The following DNM3 variants were observed in gnomAD, a reference collection of about 807,000 sequenced individuals.
The protein encoded by DNM3 is dynamin-3.
A neutral mutation model predicts 101.6 loss-of-function variants in DNM3; 47 were observed. That is an observed-to-expected ratio of 0.46 (90% CI 0.37 to 0.59). The LOEUF (loss-of-function observed/expected upper bound fraction) is 0.59, where lower values mean the gene tolerates loss of function less well. Among genes scored for constraint, DNM3 ranks in the 20% least tolerant of loss-of-function variants. The pLI is 0.00. For missense variants in DNM3, 849 were observed against 1,085.7 expected, an observed-to-expected ratio of 0.78 and a Z score of 3.06; for synonymous variants, 385 against 387.9, an observed-to-expected ratio of 0.99 and a Z score of 0.09.
chr1:172,196,879 T>A (rs1472556092), intron 14 of DNM3, among the ~76,000 whole-genome samples: 1 of 152,178 alleles, frequency 6.6e-6, no homozygotes, highest in Non-Finnish European at 1.5e-5. Flanking sequence ...CTGTTGATAT[T>A]TTCTTTTGCT....
At chr1:172,208,991 A>G (rs1572958728) in intron 14 of DNM3, among the ~76,000 whole-genome samples, 2 of 152,070 alleles carry the variant, frequency 1.3e-5, no homozygotes, top group East Asian at 1.9e-4. Flanking sequence ...AGGTTGGGAA[A>G]GCTCTGTCAT....
Position 172,220,416 on chromosome 1 carries a change from A to C in DNM3, c.1660-33157A>C, listed in dbSNP as rs189789477. ...AAGAGTTAATATTAAAAATATGGAG[A>C]ATGGGGGAAAACTCAAAAAAGAGAG... On this transcript the variant is annotated intron_variant, in intron 14 of 20. Coordinates refer to ENST00000627582, the MANE Select transcript of DNM3 (RefSeq NM_015569.5). Among the ~76,000 whole-genome samples, 676 of 152,224 alleles carry C rather than the reference A, an allele frequency of 4.4e-3. 8 individuals carry two copies. Among genetic ancestry groups the C allele is most frequent in the Admixed American group, 0.019 (285 of 15,270 alleles).
At position 172,387,600 on chromosome 1, in the gene DNM3, A is replaced by G. The variant is rs528374290; in HGVS notation, c.2285+241A>G. 5.9e-5 allele frequency among the ~76,000 whole-genome samples: 9 copies of G among 151,674 alleles called. No individual in the cohort carries two copies. In the East Asian group the frequency reaches 1.8e-3, roughly 30 times the overall value. On this transcript the variant is annotated intron_variant, in intron 19 of 20. Transcript: ENST00000627582. ...TGTGAACCCGGGAGGCAGAGCTTGC[A>G]GTGAGCCGAGATCGTGCACTGCACT... is the stretch of plus-strand genomic sequence containing the variant.
intron 1 of DNM3, among the ~76,000 whole-genome samples, chr1:171,907,672 C>G (rs939098499): frequency 1.3e-5 from 2 of 152,146 alleles, no homozygotes; most frequent in Non-Finnish European, 2.9e-5. Context: ...TCCTCTCTAG[C>G]ATGCCAGGCA....
chr1:171,957,696 A>G (rs796585472), intron 2 of DNM3, among the ~76,000 whole-genome samples: 1 of 152,236 alleles, frequency 6.6e-6, no homozygotes, highest in South Asian at 2.1e-4. Context: ...GGACAGGGAC[A>G]AAATGCTGCC....
intron 10 of DNM3, among the ~76,000 whole-genome samples, chr1:172,058,562 C>T (rs2050854226): frequency 6.6e-6 from 1 of 152,164 alleles, no homozygotes; most frequent in African/African-American, 2.4e-5. Context: ...CCCTCAACTA[C>T]ATGGAAACTG....
rs1489730298 is a variant in DNM3 at position 172,071,319 on chromosome 1, A to G, written c.1422+2414A>G. ...CATCTCCCTACTAAGTCACAGTCTC[A>G]GGTGGTGTGGTCCAACAGTTATCAA... On this transcript the variant is annotated intron_variant, in intron 11 of 20. Coordinates refer to ENST00000627582, the MANE Select transcript of DNM3 (RefSeq NM_015569.5). Among the ~76,000 whole-genome samples the G allele has an allele frequency of 2.0e-5, 3 of 151,906 alleles. No individual in the cohort carries two copies. The East Asian group carries it at 5.8e-4, about 30-fold the overall frequency.
chr1:172,151,704 G>T (rs2058134613), intron 14 of DNM3, among the ~76,000 whole-genome samples: 1 of 152,116 alleles, frequency 6.6e-6, no homozygotes. Flanking sequence ...GGTCTCAGGT[G>T]CTTCCTGGCC....
At chr1:172,196,051 C>G (rs533967706) in intron 14 of DNM3, among the ~76,000 whole-genome samples, 11 of 151,822 alleles carry the variant, frequency 7.2e-5, no homozygotes, top group Middle Eastern at 6.8e-3. Flanking sequence ...GCTCATCTCC[C>G]TCTTCCCACC....
intron 15 of DNM3, among the ~76,000 whole-genome samples, chr1:172,277,731 A>G (rs1016887855): frequency 1.3e-5 from 2 of 152,114 alleles, no homozygotes; most frequent in African/African-American, 2.4e-5. Flanking sequence ...TAGCGAAAGC[A>G]TTAGGATTCT....
At chr1:172,193,187 G>A (rs868431252) in intron 14 of DNM3, among the ~76,000 whole-genome samples, 19 of 152,134 alleles carry the variant, frequency 1.2e-4, no homozygotes, top group African/African-American at 4.3e-4. Flanking sequence ...TTTGAGAACT[G>A]TCTGTTCATG....
At position 172,409,521 on chromosome 1, in the gene DNM3, A is replaced by T; in HGVS notation, c.*1680A>T. The T allele has an allele frequency of 1.0e-6, 1 of 984,504 alleles. No individual in the cohort carries two copies. The highest frequency in any genetic ancestry group is 1.2e-6 in the Non-Finnish European group (1 of 829,110). 61.0% of individuals were successfully genotyped at this position (984,504 alleles called of 1,614,324 possible). On this transcript the variant is annotated 3_prime_UTR_variant, in exon 21 of 21. Transcript: ENST00000627582. ...TACATAAAGGTCATTTCAACTTTTAAGGTTACCAGTGATTGTATAAAAACA... is the reference window on the plus strand; with the variant it reads ...TACATAAAGGTCATTTCAACTTTTATGGTTACCAGTGATTGTATAAAAACA...
intron 14 of DNM3, among the ~76,000 whole-genome samples, chr1:172,136,027 C>T (rs1049896946): frequency 2.6e-5 from 4 of 151,920 alleles, no homozygotes; most frequent in Non-Finnish European, 5.9e-5. Flanking sequence ...TGAGCTACTC[C>T]TAGGCAAGCA....
chr1:172,374,600 A>G (rs1245705495), intron 17 of DNM3, among the ~76,000 whole-genome samples: 2 of 152,082 alleles, frequency 1.3e-5, no homozygotes, highest in East Asian at 3.9e-4. Context: ...ATTTACATTG[A>G]ACTTTGAAAG....
chr1:172,206,444 A>G (rs1020634415), intron 14 of DNM3, among the ~76,000 whole-genome samples: 1 of 152,154 alleles, frequency 6.6e-6, no homozygotes, highest in Non-Finnish European at 1.5e-5. Flanking sequence ...CACAGATATT[A>G]AAAAGTCACA....
At position 172,408,023 on chromosome 1, in the gene DNM3, A is replaced by C. The variant is rs553710329; in HGVS notation, c.*182A>C. ...TGGTATGTCAAACCTTTGGGGTTTGACTCAGAAACTGCTAACCTTTTAGAG... is the reference window on the plus strand; with the variant it reads ...TGGTATGTCAAACCTTTGGGGTTTGCCTCAGAAACTGCTAACCTTTTAGAG... On this transcript the variant is annotated 3_prime_UTR_variant, in exon 21 of 21. Transcript: ENST00000627582. 7 of 1,441,106 alleles carry C rather than the reference A, an allele frequency of 4.9e-6. No individual in the cohort carries two copies. In the South Asian group the frequency reaches 1.0e-4, roughly 21 times the overall value. The allele number at this position is 1,441,106 out of a possible 1,614,324, so 89.3% of individuals were successfully genotyped here.
At chr1:172,159,890 T>A (rs1295338200) in intron 14 of DNM3, among the ~76,000 whole-genome samples, 1 of 152,004 alleles carries the variant, frequency 6.6e-6, no homozygotes, top group Non-Finnish European at 1.5e-5. Context: ...ACCTAGGTGG[T>A]AGAGCCTGCT....
At chr1:172,108,068 T>C (rs2055194698) in intron 13 of DNM3, among the ~76,000 whole-genome samples, 1 of 150,504 alleles carries the variant, frequency 6.6e-6, no homozygotes. Context: ...AGTCTCGGTG[T>C]CAAGGTACCT....
At chr1:172,354,112 T>TGTGTGTGAGA (rs138540712) in intron 17 of DNM3, among the ~76,000 whole-genome samples, 11 of 94,964 alleles carry the variant, frequency 1.2e-4, no homozygotes, top group African/African-American at 3.1e-4. Flanking sequence ...TGTGTGTGTG[T>TGTGTGTGAGA]GAGAGAGAGA....
Sources: allele counts gnomAD v4.1 joint callset (sites outside exome capture counted in the v4.1 genomes callset), GRCh38; gene constraint gnomAD v4.1.1; transcripts MANE v1.5; gene names NCBI Gene and HGNC (gene_info 2026-07-23, HGNC 2026-07-21).